Variants in UBE2E2 observed in about 807,000 individuals in gnomAD.
The protein encoded by UBE2E2 is ubiquitin-conjugating enzyme E2 E2.
Under a neutral mutation model 24.7 loss-of-function variants are expected in UBE2E2, and 6 were observed. The observed-to-expected ratio is 0.24, with a 90% CI of 0.13 to 0.48. UBE2E2 has a LOEUF of 0.48. Ranked by LOEUF, UBE2E2 falls within the 20% of genes least tolerant of loss-of-function variation. The pLI is 0.99. For missense variants in UBE2E2, 169 were observed against 245.0 expected (o/e 0.69, Z 2.07); for synonymous variants, 104 against 83.6 (o/e 1.24, Z -1.33).
At chr3:23,422,491 A>T (rs1173380497) in intron 3 of UBE2E2, among the ~76,000 whole-genome samples, 1 of 152,170 alleles carries the variant, frequency 6.6e-6, no homozygotes, top group Non-Finnish European at 1.5e-5. Flanking sequence ...GAAAATTTTT[A>T]AACTGAGCAG....
intron 3 of UBE2E2, among the ~76,000 whole-genome samples, chr3:23,396,306 T>A: frequency 8.3e-6 from 1 of 120,868 alleles, no homozygotes; most frequent in South Asian, 3.0e-4. Context: ...TTATTTTTTA[T>A]ATATATATAT....
intron 5 of UBE2E2, among the ~76,000 whole-genome samples, chr3:23,535,941 G>A (rs911753492): frequency 2.0e-5 from 3 of 152,118 alleles, no homozygotes; most frequent in African/African-American, 4.8e-5. Context: ...TTTGTTAGAC[G>A]TTACCTGGCT....
rs533617737 is a variant in UBE2E2, at chr3:23,581,579, A to T, written c.509-8155A>T. ...GGTACCATTATTCTCCCCATTTTGCAGTTGAGGAAACTGAGGCACAGTAAT... is the reference window on the plus strand; with the variant it reads ...GGTACCATTATTCTCCCCATTTTGCTGTTGAGGAAACTGAGGCACAGTAAT... On this transcript the variant is annotated intron_variant, in intron 5 of 5. Coordinates refer to ENST00000396703, the MANE Select transcript of UBE2E2 (RefSeq NM_152653.4). 2.0e-5 allele frequency among the ~76,000 whole-genome samples: 3 copies of T among 152,332 alleles called. No individual in the cohort carries two copies. The East Asian group carries it at 5.8e-4, about 29-fold the overall frequency.
rs1553629518 is a variant in UBE2E2 at position 23,203,457 on chromosome 3, C to CA, written c.-16_-15insA. 2 of 965,190 alleles carry CA rather than the reference C, an allele frequency of 2.1e-6. No homozygotes were observed. The highest frequency in any genetic ancestry group is 2.4e-6 in the Non-Finnish European group (2 of 823,520). The allele number at this position is 965,190 out of a possible 1,614,324, so 59.8% of individuals were successfully genotyped here. On this transcript the variant is annotated 5_prime_UTR_variant, in exon 1 of 6. Coordinates refer to ENST00000396703, the MANE Select transcript of UBE2E2 (RefSeq NM_152653.4). ...AGCCTGCGACCTGCACGGACACCCC[C>CA]CCCTCAGGTATTCGCTCGGGCCGCG...
intron 3 of UBE2E2, among the ~76,000 whole-genome samples, chr3:23,236,483 CTTT>C (rs530403264): frequency 6.4e-5 from 8 of 124,296 alleles, no homozygotes; most frequent in Admixed American, 1.6e-4. Flanking sequence ...TTCTTAGGTC[CTTT>C]TTTTTTTTTT....
chr3:23,485,402 A>G (rs1383584219), intron 3 of UBE2E2, among the ~76,000 whole-genome samples: 2 of 152,182 alleles, frequency 1.3e-5, no homozygotes, highest in African/African-American at 4.8e-5. Context: ...TGGCCTCAAC[A>G]CTACCTCTTG....
At position 23,587,446 on chromosome 3, in the gene UBE2E2, C is replaced by T. The variant is rs1228306970; in HGVS notation, c.509-2288C>T. ...TCAGTGTTATTCTTCTGACATTGAG[C>T]CTTACCTTCATCAGTAAGTTAGAAT... is the stretch of plus-strand genomic sequence containing the variant. On this transcript the variant is annotated intron_variant, in intron 5 of 5. Transcript: ENST00000396703. 4.6e-5 allele frequency among the ~76,000 whole-genome samples: 7 copies of T among 152,146 alleles called. 1 individual carries two copies. The highest frequency in any genetic ancestry group is 3.9e-4 in the Admixed American group (6 of 15,270).
chr3:23,441,637 G>C (rs912747241), intron 3 of UBE2E2, among the ~76,000 whole-genome samples: 2 of 151,958 alleles, frequency 1.3e-5, no homozygotes, highest in Non-Finnish European at 2.9e-5. Context: ...TCACTGACTT[G>C]TTCCTAATAG....
chr3:23,326,763 C>T (rs1003741028), intron 3 of UBE2E2, among the ~76,000 whole-genome samples: 6 of 152,144 alleles, frequency 3.9e-5, no homozygotes, highest in African/African-American at 9.7e-5. Flanking sequence ...CATGTTGGTG[C>T]GCTGCACCCA....
chr3:23,259,541 C>A (rs780868673), intron 3 of UBE2E2, among the ~76,000 whole-genome samples: 4 of 151,292 alleles, frequency 2.6e-5, no homozygotes, highest in Non-Finnish European at 4.4e-5. Flanking sequence ...GTGTAACAAA[C>A]CTACATGTTC....
intron 3 of UBE2E2, among the ~76,000 whole-genome samples, chr3:23,269,438 G>T (rs1381241786): frequency 1.3e-5 from 2 of 152,198 alleles, no homozygotes; most frequent in East Asian, 3.8e-4. Flanking sequence ...TGCTCTTGGG[G>T]ACACATTGAA....
intron 5 of UBE2E2, among the ~76,000 whole-genome samples, chr3:23,545,328 T>G (rs375563017): frequency 6.6e-6 from 1 of 151,624 alleles, no homozygotes; most frequent in Non-Finnish European, 1.5e-5. Context: ...GAGGTCCCTG[T>G]GGCCTTCCGC....
rs955757465 is a variant in UBE2E2 at position 23,340,052 on chromosome 3, T to A, written c.227+122740T>A. 2.6e-5 allele frequency among the ~76,000 whole-genome samples: 4 copies of A among 152,230 alleles called. No individual in the cohort carries two copies. In the East Asian group the frequency reaches 7.7e-4, roughly 29 times the overall value. ...ACTCCCATTTAATACATGGATAAGC[T>A]GAAGCCTAGAAGCTTAACTGTTTTG... On this transcript the variant is annotated intron_variant, in intron 3 of 5. Transcript: ENST00000396703.
At chr3:23,269,685 G>T (rs192011658) in intron 3 of UBE2E2, among the ~76,000 whole-genome samples, 13 of 152,236 alleles carry the variant, frequency 8.5e-5, no homozygotes, top group African/African-American at 2.9e-4. Flanking sequence ...AGTTGGAGCC[G>T]GGAGCAGCAG....
intron 3 of UBE2E2, among the ~76,000 whole-genome samples, chr3:23,396,872 CAGG>C (rs1280719823): frequency 6.6e-6 from 1 of 152,092 alleles, no homozygotes; most frequent in Non-Finnish European, 1.5e-5. Context: ...TTATGCAGGA[CAGG>C]GGGGATGTGG....
intron 3 of UBE2E2, among the ~76,000 whole-genome samples, chr3:23,272,692 T>G (rs1698277980): frequency 6.7e-6 from 1 of 149,816 alleles, no homozygotes; most frequent in African/African-American, 2.4e-5. Flanking sequence ...GAGAGAGAGA[T>G]TGAGTGTAAG....
At chr3:23,413,222 A>AG (rs1313030111) in intron 3 of UBE2E2, among the ~76,000 whole-genome samples, 1 of 151,616 alleles carries the variant, frequency 6.6e-6, no homozygotes, top group Admixed American at 6.6e-5. Context: ...AAAAAATCTG[A>AG]GAAAAAAAAG....
chr3:23,305,690 C>A, intron 3 of UBE2E2, among the ~76,000 whole-genome samples: 1 of 152,016 alleles, frequency 6.6e-6, no homozygotes, highest in East Asian at 1.9e-4. Flanking sequence ...GTTTAATGGT[C>A]CCCTTTTCTT....
intron 3 of UBE2E2, among the ~76,000 whole-genome samples, chr3:23,487,708 A>G (rs1035234071): frequency 1.3e-5 from 2 of 152,214 alleles, no homozygotes; most frequent in Non-Finnish European, 2.9e-5. Context: ...TTACAAGGTA[A>G]GTGGGACTGC....
Sources: allele counts gnomAD v4.1 joint callset (sites outside exome capture counted in the v4.1 genomes callset), GRCh38; gene constraint gnomAD v4.1.1; transcripts MANE v1.5; gene names NCBI Gene and HGNC (gene_info 2026-07-23, HGNC 2026-07-21).